ABI2: variants seen among roughly 807,000 people sequenced by gnomAD.
ABI2 encodes abl interactor 2, also known as abelson interactor 2.
A neutral mutation model predicts 59.2 loss-of-function variants in ABI2; 25 were observed. That is an observed-to-expected ratio of 0.42 (90% CI 0.31 to 0.59). The LOEUF is 0.59. ABI2 is among the 20% of genes least tolerant of loss of function. The pLI is 0.14. For synonymous variants in ABI2, 213 were observed against 235.5 expected (o/e 0.90, Z 0.87); for missense variants, 545 against 681.8 (o/e 0.80, Z 2.23).
chr2:203,329,988 C>T (rs558819599), intron 1 of ABI2, among the ~76,000 whole-genome samples: 10 of 152,256 alleles, frequency 6.6e-5, no homozygotes, highest in East Asian at 3.9e-4. Flanking sequence ...CCACCCACCT[C>T]GGCCTCCCAA....
Position 203,391,112 on chromosome 2 carries a change from A to G in ABI2, c.547A>G (p.Ser183Gly). 6.2e-7 allele frequency: 1 copy of G among 1,613,832 alleles called. No individual in the cohort carries two copies. The highest frequency in any genetic ancestry group is 8.5e-7 in the Non-Finnish European group (1 of 1,179,862). Residue 183 changes from serine to glycine, a missense_variant, in exon 5 of 12, where the codon AGT becomes GGT. Around this residue, in one of 4 missense-constraint regions of ABI2, gnomAD observed 410 missense variants for 435.6 expected, o/e 0.94. Coordinates refer to ENST00000261018, the MANE Select transcript of ABI2 (RefSeq NM_001375670.1). Reference protein sequence around the residue: ...RTTPPTQKPPSPPMSGKGTLG... With the variant: ...RTTPPTQKPPGPPMSGKGTLG... ...AACACCTCCAACTCAGAAGCCCCCT[A>G]GTCCCCCTATGTCAGGGAAAGGGAC...
intron 2 of ABI2, among the ~76,000 whole-genome samples, chr2:203,371,302 C>G (rs2095158118): frequency 6.6e-6 from 1 of 152,140 alleles, no homozygotes; most frequent in Non-Finnish European, 1.5e-5. Context: ...GATGGGAATT[C>G]CATTGACTGT....
intron 9 of ABI2, among the ~76,000 whole-genome samples, chr2:203,403,105 T>C (rs1283388116): frequency 6.6e-6 from 1 of 152,182 alleles, no homozygotes; most frequent in Non-Finnish European, 1.5e-5. Context: ...AATTTAGAAG[T>C]GGCAAAGGAA....
intron 1 of ABI2, among the ~76,000 whole-genome samples, chr2:203,357,803 CTG>C (rs2092534122): frequency 6.6e-6 from 1 of 152,160 alleles, no homozygotes; most frequent in Non-Finnish European, 1.5e-5. Flanking sequence ...GAGTCTCACT[CTG>C]TTACCCAGGC....
intron 9 of ABI2, among the ~76,000 whole-genome samples, chr2:203,410,973 CATG>C (rs946565839): frequency 1.3e-5 from 2 of 150,122 alleles, no homozygotes; most frequent in African/African-American, 4.9e-5. Flanking sequence ...ATATATAAAA[CATG>C]ATTGTTATAT....
intron 6 of ABI2, 122 bp from the exon 7 acceptor site, chr2:203,395,534 G>T: frequency 1.9e-6 from 2 of 1,028,760 alleles, no homozygotes; most frequent in Non-Finnish European, 2.6e-6. Context: ...ATTTTATTTT[G>T]AAGTGGTACG....
intron 4 of ABI2, among the ~76,000 whole-genome samples, chr2:203,384,306 T>C (rs113320543): frequency 7.2e-6 from 1 of 138,376 alleles, no homozygotes; most frequent in African/African-American, 3.1e-5. Context: ...TTTTTTTTTT[T>C]TTTTTTTTTT....
At chr2:203,426,599 G>A (rs916986173) in intron 11 of ABI2, among the ~76,000 whole-genome samples, 11 of 151,888 alleles carry the variant, frequency 7.2e-5, no homozygotes, top group African/African-American at 2.2e-4. Flanking sequence ...TATATGTAGC[G>A]GACTCCCATC....
intron 1 of ABI2, among the ~76,000 whole-genome samples, chr2:203,339,863 A>G (rs1411592301): frequency 1.3e-5 from 2 of 152,186 alleles, no homozygotes; most frequent in African/African-American, 2.4e-5. Flanking sequence ...ACCCCCAAGT[A>G]TACCCAAATC....
At chr2:203,422,317 C>G (rs1056636996) in intron 11 of ABI2, among the ~76,000 whole-genome samples, 1 of 152,076 alleles carries the variant, frequency 6.6e-6, no homozygotes, top group African/African-American at 2.4e-5. Flanking sequence ...TCGAGAGTCC[C>G]TATAAACTGT....
At chr2:203,349,650 C>T (rs2152716842) in intron 1 of ABI2, among the ~76,000 whole-genome samples, 1 of 152,156 alleles carries the variant, frequency 6.6e-6, no homozygotes, top group Middle Eastern at 3.4e-3. Flanking sequence ...GGTGATCCGC[C>T]TGCCTTGGCC....
At chr2:203,337,680 G>C (rs979078418) in intron 1 of ABI2, among the ~76,000 whole-genome samples, 1 of 152,104 alleles carries the variant, frequency 6.6e-6, no homozygotes, top group African/African-American at 2.4e-5. Flanking sequence ...AATAGCCAAA[G>C]CAGTTTTGAA....
At chr2:203,405,531 C>T (rs2097385075) in intron 9 of ABI2, among the ~76,000 whole-genome samples, 1 of 151,698 alleles carries the variant, frequency 6.6e-6, no homozygotes, top group Admixed American at 6.6e-5. Flanking sequence ...GCCTGGGCAA[C>T]AGAGTGAGAC....
intron 1 of ABI2, among the ~76,000 whole-genome samples, chr2:203,342,570 T>G (rs926536494): frequency 6.7e-6 from 1 of 149,930 alleles, no homozygotes; most frequent in African/African-American, 2.4e-5. Context: ...ATTTATTTAT[T>G]TATTTATTTA....
chr2:203,375,444 C>T (rs2095616622), intron 2 of ABI2, among the ~76,000 whole-genome samples: 1 of 152,140 alleles, frequency 6.6e-6, no homozygotes, highest in African/African-American at 2.4e-5. Context: ...ATTTGAAATA[C>T]TTTTCTTACT....
rs75654136 is a variant in ABI2 at position 203,392,275 on chromosome 2, TCACCAC to T, written c.578+1168_578+1173del. Reference sequence around the variant, plus strand: ...TTTGGCTTCCTCAGCACCACCACCATCACCACCACCACCACCACCACCACCACCACC... The same window carrying T: ...TTTGGCTTCCTCAGCACCACCACCATCACCACCACCACCACCACCACCACC... On this transcript the variant is annotated intron_variant, in intron 5 of 11. Coordinates refer to ENST00000261018, the MANE Select transcript of ABI2 (RefSeq NM_001375670.1). Among the ~76,000 whole-genome samples, 302 of 127,368 alleles carry T rather than the reference TCACCAC, an allele frequency of 2.4e-3. 1 individual carries two copies. Among genetic ancestry groups the T allele is most frequent in the Admixed American group, 4.2e-3 (48 of 11,468 alleles). The allele number at this position is 127,368 out of a possible 152,430, so 83.6% of individuals were successfully genotyped here. A position where few individuals can be genotyped will look rare whatever the true frequency, so the allele number is the denominator to read the frequency against.
At chr2:203,409,569 G>C (rs1399997886) in intron 9 of ABI2, among the ~76,000 whole-genome samples, 4 of 152,046 alleles carry the variant, frequency 2.6e-5, no homozygotes, top group Non-Finnish European at 5.9e-5. Flanking sequence ...AGTTACGAAG[G>C]GTAAAAATCT....
chr2:203,381,416 C>T (rs991103355), intron 3 of ABI2, among the ~76,000 whole-genome samples: 1 of 152,146 alleles, frequency 6.6e-6, no homozygotes, highest in Admixed American at 6.5e-5. Flanking sequence ...ACTACAGGCA[C>T]GTGCCACCAT....
At chr2:203,373,802 C>T (rs1419112297) in intron 2 of ABI2, among the ~76,000 whole-genome samples, 3 of 152,104 alleles carry the variant, frequency 2.0e-5, no homozygotes, top group African/African-American at 2.4e-5. Flanking sequence ...TAATTCTTCT[C>T]AAGAGCTAGG....
Sources: allele counts gnomAD v4.1 joint callset (sites outside exome capture counted in the v4.1 genomes callset), GRCh38; gene constraint gnomAD v4.1.1; regional missense constraint gnomAD v4.1.1; transcripts MANE v1.5; gene names NCBI Gene and HGNC (gene_info 2026-07-23, HGNC 2026-07-21).